PLEK: variants seen among roughly 807,000 people sequenced by gnomAD.
The protein encoded by PLEK is platelet 47 kDa protein.
Under a neutral mutation model 43.9 loss-of-function variants are expected in PLEK, and 25 were observed. The observed-to-expected ratio is 0.57, with a 90% CI of 0.41 to 0.79. The LOEUF is 0.79. Ranked by LOEUF, PLEK falls within the 30% of genes least tolerant of loss-of-function variation. PLEK has a pLI of 0.00. For missense variants in PLEK, 396 were observed against 413.3 expected, an observed-to-expected ratio of 0.96 and a Z score of 0.36; for synonymous variants, 152 against 144.4, an observed-to-expected ratio of 1.05 and a Z score of -0.38.
intron 1 of PLEK, among the ~76,000 whole-genome samples, chr2:68,374,185 A>G (rs1427714911): frequency 6.6e-6 from 1 of 152,340 alleles, no homozygotes; most frequent in East Asian, 1.9e-4. Flanking sequence ...ATACTTCAAC[A>G]TACATCTTCC....
chr2:68,380,642 T>G, intron 2 of PLEK, 81 bp from the exon 3 acceptor site: 1 of 1,481,766 alleles, frequency 6.7e-7, no homozygotes, highest in Non-Finnish European at 9.2e-7. Context: ...AGAAGAGGTT[T>G]AGGCCAATGG....
intron 1 of PLEK, among the ~76,000 whole-genome samples, chr2:68,375,481 C>A (rs930224297): frequency 1.3e-4 from 20 of 152,206 alleles, no homozygotes; most frequent in African/African-American, 4.6e-4. Context: ...TGTGTTGGCA[C>A]AGTGTCTGAT....
rs1673973595 is a variant in PLEK, at chr2:68,396,945, T to C, written c.*1129T>C. ...CAGTTCTCCAGTAAATGATATTGCG[T>C]TCGTGCCTCAGCTTTAAGCACAAGT... On this transcript the variant is annotated 3_prime_UTR_variant, in exon 9 of 9. Coordinates refer to ENST00000234313, the MANE Select transcript of PLEK (RefSeq NM_002664.3). The C allele has an allele frequency of 6.6e-6, 1 of 152,212 alleles. No individual in the cohort carries two copies. Among genetic ancestry groups the C allele is most frequent in the African/African-American group, 2.4e-5 (1 of 41,456 alleles). 9.4% of individuals were successfully genotyped at this position (152,212 alleles called of 1,614,324 possible). A position where few individuals can be genotyped will look rare whatever the true frequency, so the allele number is the denominator to read the frequency against.
At chr2:68,395,657 C>A (rs1445868961) in intron 8 of PLEK, 23 bp from the exon 9 acceptor site, 1 of 1,613,816 alleles carries the variant, frequency 6.2e-7, no homozygotes, top group Non-Finnish European at 8.5e-7. Context: ...GTGCGTGCTG[C>A]CATTTGCCTT....
rs552043962 is a variant in PLEK at position 68,379,307 on chromosome 2, G to A, written c.43-1021G>A. On this transcript the variant is annotated intron_variant, in intron 1 of 8. Transcript: ENST00000234313. ...TATGTGTCTTCAGTGAGTCAGATTA[G>A]TTGGTTTGCAGGCCATATTTTGAAA... Among the ~76,000 whole-genome samples the A allele has an allele frequency of 5.9e-5, 9 of 152,168 alleles. No individual in the cohort carries two copies. The South Asian group carries it at 1.9e-3, about 32-fold the overall frequency.
intron 8 of PLEK, among the ~76,000 whole-genome samples, chr2:68,394,695 C>A (rs1367088492): frequency 6.6e-6 from 1 of 152,186 alleles, no homozygotes; most frequent in Non-Finnish European, 1.5e-5. Flanking sequence ...AAAACTCTAT[C>A]ACTTCACAAT....
At chr2:68,371,503 T>C (rs1201111057) in intron 1 of PLEK, among the ~76,000 whole-genome samples, 2 of 152,262 alleles carry the variant, frequency 1.3e-5, no homozygotes, top group African/African-American at 2.4e-5. Context: ...TACTATTTAA[T>C]GAGTGATTAC....
At chr2:68,379,924 T>C (rs1673577643) in intron 1 of PLEK, among the ~76,000 whole-genome samples, 1 of 152,106 alleles carries the variant, frequency 6.6e-6, no homozygotes. Context: ...TGAGGAAATA[T>C]ATAACAAAGT....
In PLEK at chr2:68,394,293, C is replaced by A; in HGVS notation, c.916+117C>A. 8.0e-6 allele frequency: 6 copies of A among 746,094 alleles called. No individual in the cohort carries two copies. The South Asian group carries it at 8.5e-5, about 11-fold the overall frequency. 46.2% of individuals were successfully genotyped at this position (746,094 alleles called of 1,614,324 possible). A position where few individuals can be genotyped will look rare whatever the true frequency, so the allele number is the denominator to read the frequency against. On this transcript the variant is annotated intron_variant, in intron 8 of 8. Transcript: ENST00000234313. The stretch of plus-strand genomic sequence containing the variant: ...TTAATCAGGATAAGCAGGAATGGGG[C>A]AGGCATGGTGGCTCCCACCTGTAAT...
chr2:68,380,048 G>T (rs1435235963), intron 1 of PLEK, among the ~76,000 whole-genome samples: 1 of 152,132 alleles, frequency 6.6e-6, no homozygotes, highest in African/African-American at 2.4e-5. Context: ...AGCCTTGAAG[G>T]ATATGGAGAG....
chr2:68,386,452 C>A, intron 4 of PLEK, 50 bp from the exon 5 acceptor site: 1 of 1,465,080 alleles, frequency 6.8e-7, no homozygotes, highest in Non-Finnish European at 9.5e-7. Context: ...TTGTCAGGGG[C>A]TTGTTCTTCG....
rs1461659451 is a variant in PLEK at position 68,395,707 on chromosome 2, T to C, written c.944T>C (p.Phe315Ser). 2.5e-6 allele frequency: 4 copies of C among 1,614,078 alleles called. No individual in the cohort carries two copies. Among genetic ancestry groups the C allele is most frequent in the Non-Finnish European group, 3.4e-6 (4 of 1,179,982 alleles). Residue 315 changes from phenylalanine (F) to serine (S), a missense_variant, in exon 9 of 9, where the codon TTT becomes TCT. Transcript: ENST00000234313. ...NGRKSEEENLFEIITADEVHY... is the reference protein window; with the variant it reads ...NGRKSEEENLSEIITADEVHY... ...AGGAAGAGTGAGGAAGAGAACCTTT[T>C]TGAGATCATCACAGCAGATGAAGTG...
In PLEK at chr2:68,396,677, C is replaced by T. The variant is rs938230557; in HGVS notation, c.*861C>T. 1.3e-5 allele frequency: 2 copies of T among 151,566 alleles called. No individual in the cohort carries two copies. Among genetic ancestry groups the T allele is most frequent in the Admixed American group, 6.6e-5 (1 of 15,190 alleles). The allele number at this position is 151,566 out of a possible 1,614,324, so 9.4% of individuals were successfully genotyped here. ...TATTACAATTAGGAGGGGGACCCCACATCTGTGAGATTCTGTTTCATTTGA... is the reference window on the plus strand; with the variant it reads ...TATTACAATTAGGAGGGGGACCCCATATCTGTGAGATTCTGTTTCATTTGA... On this transcript the variant is annotated 3_prime_UTR_variant, in exon 9 of 9. Coordinates refer to ENST00000234313, the MANE Select transcript of PLEK (RefSeq NM_002664.3).
intron 1 of PLEK, among the ~76,000 whole-genome samples, chr2:68,371,019 C>A (rs1044822231): frequency 6.6e-6 from 1 of 152,060 alleles, no homozygotes. Flanking sequence ...GGCTTTCAAG[C>A]AAGCCCAAGG....
chr2:68,382,033 A>G (rs1182886292), intron 3 of PLEK, among the ~76,000 whole-genome samples: 4 of 152,264 alleles, frequency 2.6e-5, no homozygotes, highest in Admixed American at 2.0e-4. Flanking sequence ...ACTTCTCACC[A>G]TTTTGCCTTA....
chr2:68,393,145 G>C lies in PLEK; in HGVS notation c.763-17G>C. ...GGAATTCACCATCCCTTCTTTTAAT[G>C]TTGATCCTGGATACAGGGGCATAGA... On this transcript the variant is annotated splice_polypyrimidine_tract_variant and intron_variant, in intron 6 of 8. Coordinates refer to ENST00000234313, the MANE Select transcript of PLEK (RefSeq NM_002664.3). 6.6e-7 allele frequency: 1 copy of C among 1,525,778 alleles called. No individual in the cohort carries two copies. The allele number at this position is 1,525,778 out of a possible 1,614,324, so 94.5% of individuals were successfully genotyped here.
rs1673244744 is a variant in PLEK at position 68,365,359 on chromosome 2, C to G, written c.8C>G (p.Pro3Arg). ...TCTGCCTGTCCAGCCAGCATGGAAC[C>G]AAAGCGGATCAGAGAGGGCTACCTT... is the stretch of plus-strand genomic sequence containing the variant. MEPKRIREGYLVK... is the reference protein window; with the variant it reads MERKRIREGYLVK... The change falls in exon 1 of 9, where the codon CCA becomes CGA. Residue 3 changes from proline (P) to arginine (R), a missense_variant. Pro to Arg is a moderately radical substitution (Grantham distance 103, BLOSUM62 -2). Coordinates refer to ENST00000234313, the MANE Select transcript of PLEK (RefSeq NM_002664.3). The G allele has an allele frequency of 6.2e-7, 1 of 1,613,784 alleles. No homozygotes were observed.
At chr2:68,385,038 T>G (rs1673709027) in intron 4 of PLEK, among the ~76,000 whole-genome samples, 1 of 152,224 alleles carries the variant, frequency 6.6e-6, no homozygotes, top group Admixed American at 6.5e-5. Flanking sequence ...TCCCTACTGC[T>G]TTTGCCCGGA....
intron 1 of PLEK, among the ~76,000 whole-genome samples, chr2:68,374,577 AT>A (rs1406837464): frequency 1.3e-5 from 2 of 152,166 alleles, no homozygotes; most frequent in African/African-American, 4.8e-5. Context: ...GGGTGTCATA[AT>A]TTTTTACATA....
Sources: gnomAD v4.1 joint callset for allele counts (sites outside exome capture counted in the v4.1 genomes callset) on GRCh38, gnomAD v4.1.1 for gene constraint, MANE v1.5 for transcripts, NCBI Gene and HGNC (gene_info 2026-07-23, HGNC 2026-07-21) for gene names.